KDM4B: variants seen among roughly 807,000 people sequenced by gnomAD.
KDM4B encodes the protein lysine-specific demethylase 4B.
KDM4B carries 32 observed loss-of-function variants against 125.2 expected under a neutral mutation model. The ratio of observed to expected loss-of-function variants is 0.26; its 90% CI spans 0.19 to 0.34. KDM4B has a LOEUF of 0.34. Ranked by LOEUF, KDM4B falls within the 10% of genes least tolerant of loss-of-function variation. The probability of loss-of-function intolerance (pLI) is 1.00; values close to 1 mark genes in which losing one functional copy is unlikely to be tolerated. For synonymous variants in KDM4B, 721 were observed against 677.9 expected (o/e 1.06, Z -0.99); for missense variants, 1,190 against 1,577.7 (o/e 0.75, Z 4.16).
chr19:5,044,657 C>G (rs1007259974), intron 5 of KDM4B, among the ~76,000 whole-genome samples: 2 of 152,124 alleles, frequency 1.3e-5, no homozygotes, highest in Non-Finnish European at 2.9e-5. Context: ...AAGCGATTCT[C>G]CTGCCTCAGC....
rs1265394102 is a variant in KDM4B, at chr19:5,150,458, C to T, written c.3114+8C>T. On this transcript the variant is annotated splice_region_variant and intron_variant, in intron 22 of 22. Transcript: ENST00000159111. ...AGGGTCCGCTCTCGGCTGGTGAGTG[C>T]GCGAGGCTGGCCTGGTGGCTCCGGG... 7.8e-6 allele frequency: 12 copies of T among 1,546,024 alleles called. No individual in the cohort carries two copies. The Admixed American group carries it at 9.8e-5, about 13-fold the overall frequency.
intron 6 of KDM4B, among the ~76,000 whole-genome samples, chr19:5,066,856 G>A (rs189257730): frequency 2.0e-4 from 31 of 152,322 alleles, no homozygotes; most frequent in Middle Eastern, 3.4e-3. Context: ...GGTACGGGGG[G>A]CAGACAGCCA....
rs539599425 is a variant in KDM4B at position 5,016,001 on chromosome 19, G to C, written c.-108-256G>C. Among the ~76,000 whole-genome samples, 3 of 152,304 alleles carry C rather than the reference G, an allele frequency of 2.0e-5. No homozygotes were observed. The South Asian group carries it at 6.2e-4, about 32-fold the overall frequency. On this transcript the variant is annotated intron_variant, in intron 1 of 22. Coordinates refer to ENST00000159111, the MANE Select transcript of KDM4B (RefSeq NM_015015.3). ...GAAGCTTCTTTGGTTTCATTTGACT[G>C]TTCACGGATACTCCCGCTGCCTTGG...
Position 5,114,050 on chromosome 19 carries a change from AC to A in KDM4B, c.1115+3233del, listed in dbSNP as rs1330043690. On this transcript the variant is annotated intron_variant, in intron 10 of 22. Transcript: ENST00000159111. The surrounding 1 kb of genome is among the most constrained non-coding windows in gnomAD (Gnocchi z 5.8). Reference sequence around the variant, plus strand: ...CCCCCTGATGGATGGGTCGCCTAAAACTGCAGCCTGGCTCCTGGCGGGTGCC... The same window carrying A: ...CCCCCTGATGGATGGGTCGCCTAAAATGCAGCCTGGCTCCTGGCGGGTGCC... The A allele has an allele frequency of 1.0e-5, 13 of 1,286,838 alleles. No individual in the cohort carries two copies. The highest frequency in any genetic ancestry group is 1.5e-5 in the African/African-American group (1 of 65,390). 79.7% of individuals were successfully genotyped at this position (1,286,838 alleles called of 1,614,324 possible). A position where few individuals can be genotyped will look rare whatever the true frequency, so the allele number is the denominator to read the frequency against.
chr19:5,040,027 A>AGGGCGGACCTGACCCCCGCCCCCGG lies in KDM4B; in HGVS notation c.317+21_317+45dup, dbSNP rs1346927894. ...ACAGCGAGAAGTACGCGGGGCGGGC[A>AGGGCGGACCTGACCCCCGCCCCCGG]GGGCGGACCTGACCCCCGCCCCCGG... On this transcript the variant is annotated intron_variant, in intron 4 of 22. Coordinates refer to ENST00000159111, the MANE Select transcript of KDM4B (RefSeq NM_015015.3). 6.3e-7 allele frequency: 1 copy of AGGGCGGACCTGACCCCCGCCCCCGG among 1,597,840 alleles called. No individual in the cohort carries two copies. Among genetic ancestry groups the AGGGCGGACCTGACCCCCGCCCCCGG allele is most frequent in the Non-Finnish European group, 8.6e-7 (1 of 1,169,396 alleles).
chr19:5,018,031 GC>G (rs1018079176), intron 2 of KDM4B, among the ~76,000 whole-genome samples: 25 of 144,630 alleles, frequency 1.7e-4, no homozygotes, highest in African/African-American at 6.2e-4. Flanking sequence ...GAGCCACTGT[GC>G]CCAGCCAGTT....
chr19:5,060,556 TCCTGTG>T (rs914359414), intron 6 of KDM4B, among the ~76,000 whole-genome samples: 29 of 146,386 alleles, frequency 2.0e-4, no homozygotes, highest in Admixed American at 4.1e-4. Context: ...TTTTAAACCA[TCCTGTG>T]CCTTTTAACA....
chr19:5,013,211 T>C (rs1046801221), intron 1 of KDM4B, among the ~76,000 whole-genome samples: 1 of 152,156 alleles, frequency 6.6e-6, no homozygotes, highest in Non-Finnish European at 1.5e-5. Flanking sequence ...GACCAAGTGC[T>C]GAGAGTGGGG....
chr19:5,131,732 T>TA (rs954577025), intron 12 of KDM4B, among the ~76,000 whole-genome samples, 155 bp from the exon 13 acceptor site: 1 of 97,030 alleles, frequency 1.0e-5, no homozygotes, highest in Admixed American at 1.2e-4. Flanking sequence ...TGTCTGTACT[T>TA]AGAGAACAGA....
chr19:5,041,614 C>G (rs1599481507), intron 5 of KDM4B, among the ~76,000 whole-genome samples: 1 of 152,260 alleles, frequency 6.6e-6, no homozygotes, highest in Non-Finnish European at 1.5e-5. Context: ...AGGCCACCTG[C>G]TGGATTCGGC....
intron 6 of KDM4B, among the ~76,000 whole-genome samples, chr19:5,063,173 T>G (rs969649242): frequency 6.6e-6 from 1 of 151,980 alleles, no homozygotes; most frequent in African/African-American, 2.4e-5. Context: ...GCTTTGGAAT[T>G]TTTGATAGAT....
At chr19:5,100,977 T>G (rs1171844546) in intron 9 of KDM4B, among the ~76,000 whole-genome samples, 2 of 152,166 alleles carry the variant, frequency 1.3e-5, no homozygotes, top group Non-Finnish European at 2.9e-5. Context: ...TTCCAGCACT[T>G]TGGGAGGCTG....
intron 21 of KDM4B, among the ~76,000 whole-genome samples, chr19:5,147,790 G>A (rs887058639): frequency 6.6e-6 from 1 of 152,102 alleles, no homozygotes; most frequent in Non-Finnish European, 1.5e-5. Flanking sequence ...CTCGGGGCGG[G>A]GGGGCAGAGG....
At chr19:5,059,027 G>T (rs559164030) in intron 6 of KDM4B, among the ~76,000 whole-genome samples, 2 of 152,228 alleles carry the variant, frequency 1.3e-5, no homozygotes, top group Non-Finnish European at 2.9e-5. Flanking sequence ...GGGTCTGTGC[G>T]TGCCCGCGGG....
At chr19:5,056,355 A>G (rs2037395227) in intron 6 of KDM4B, among the ~76,000 whole-genome samples, 1 of 150,338 alleles carries the variant, frequency 6.7e-6, no homozygotes, top group Non-Finnish European at 1.5e-5. Context: ...CCCGCTTTCC[A>G]TGCTGTCATC....
At chr19:5,145,351 C>T (rs2039823661) in intron 21 of KDM4B, among the ~76,000 whole-genome samples, 1 of 152,028 alleles carries the variant, frequency 6.6e-6, no homozygotes, top group South Asian at 2.1e-4. Flanking sequence ...GAGGCCGAGG[C>T]AGGTGGATCA....
Position 5,124,345 on chromosome 19 carries a change from G to A in KDM4B, c.1315+4493G>A, listed in dbSNP as rs1172170643. 2.6e-5 allele frequency among the ~76,000 whole-genome samples: 4 copies of A among 152,318 alleles called. No homozygotes were observed. In the East Asian group the frequency reaches 7.7e-4, roughly 29 times the overall value. On this transcript the variant is annotated intron_variant, in intron 11 of 22. Transcript: ENST00000159111. ...TGCTGCCGCCGCCGCTGCCACCTGT[G>A]GGTTCAGGCAGCGAGGAAAGTGGCC...
intron 1 of KDM4B, among the ~76,000 whole-genome samples, chr19:5,009,693 A>G (rs2035670434): frequency 6.6e-6 from 1 of 152,154 alleles, no homozygotes; most frequent in South Asian, 2.1e-4. Context: ...ATGCTCAGAA[A>G]TTAGCCAATT....
chr19:4,989,200 G>A (rs1292333917), intron 1 of KDM4B, among the ~76,000 whole-genome samples: 1 of 152,232 alleles, frequency 6.6e-6, no homozygotes, highest in Non-Finnish European at 1.5e-5. Context: ...GTGGCCTGGG[G>A]TGGAAGCCGC....
Sources: allele counts gnomAD v4.1 joint callset (sites outside exome capture counted in the v4.1 genomes callset), GRCh38; gene constraint gnomAD v4.1.1; non-coding constraint Gnocchi (gnomAD v3.1); transcripts MANE v1.5; gene names NCBI Gene and HGNC (gene_info 2026-07-23, HGNC 2026-07-21).